SPINK2: variants seen among roughly 807,000 people sequenced by gnomAD.
The protein encoded by SPINK2 is serine peptidase inhibitor Kazal type 2, also known as serine protease inhibitor Kazal-type 2.
Under a neutral mutation model 13.5 loss-of-function variants are expected in SPINK2, and 8 were observed. That is an observed-to-expected ratio of 0.59 (90% CI 0.35 to 1.07). SPINK2 has a LOEUF of 1.07. SPINK2 is among the 50% of genes least tolerant of loss of function. SPINK2 has a pLI of 0.02. For synonymous variants in SPINK2, 76 were observed against 74.7 expected (o/e 1.02, Z -0.09); for missense variants, 148 against 180.3 (o/e 0.82, Z 1.03).
At position 56,821,642 on chromosome 4, in the gene SPINK2, G is replaced by T. The variant is rs1717952564; in HGVS notation, c.21C>A (p.Arg7=). The T allele has an allele frequency of 2.6e-6, 4 of 1,544,552 alleles. No individual in the cohort carries two copies. Among genetic ancestry groups the T allele is most frequent in the African/African-American group, 1.4e-5 (1 of 72,476 alleles). The change falls in exon 1 of 4, where the codon CGC becomes CGA. Residue 7 remains arginine (R), a synonymous_variant. Transcript: ENST00000506738. The part of the protein sequence containing the change: MALSVL[R]LALLLLAVTF... ...TAACTGCCAGGAGCAGCAGCGCCAA[G>T]CGCAGCACCGACAGCGCCATCCTCC...
At chr4:56,812,594 A>C (rs1717090272) in intron 2 of SPINK2, among the ~76,000 whole-genome samples, 3 of 141,748 alleles carry the variant, frequency 2.1e-5, no homozygotes, top group Non-Finnish European at 3.1e-5. Context: ...AAAAAAAAGG[A>C]CCTCAGAGGC....
chr4:56,821,757 A>AGGGGC, upstream of SPINK2: 1 of 1,217,832 alleles, frequency 8.2e-7, no homozygotes. Context: ...GGGCGGGGGA[A>AGGGGC]GGGGCGGGGC....
intron 2 of SPINK2, among the ~76,000 whole-genome samples, chr4:56,816,400 C>G: frequency 6.6e-6 from 1 of 151,832 alleles, no homozygotes; most frequent in East Asian, 1.9e-4. Flanking sequence ...ACCTGTAATC[C>G]CACCACTTTG....
At chr4:56,813,020 C>T (rs1717125764) in intron 2 of SPINK2, among the ~76,000 whole-genome samples, 1 of 152,136 alleles carries the variant, frequency 6.6e-6, no homozygotes, top group African/African-American at 2.4e-5. Flanking sequence ...TCCTTAATGT[C>T]ATTTTAATTC....
At chr4:56,810,237 G>A (rs114439515) in intron 3 of SPINK2, 53 bp from the exon 4 acceptor site, 21,037 of 1,484,304 alleles carry the variant, frequency 0.014, 304 homozygotes, top group Non-Finnish European at 0.014. Context: ...TACTGAAACT[G>A]TCTCATTATT....
At chr4:56,811,860 G>C (rs1011910613) in intron 2 of SPINK2, 66 bp from the exon 3 acceptor site, 1 of 773,402 alleles carries the variant, frequency 1.3e-6, no homozygotes, top group Non-Finnish European at 2.0e-6. Context: ...TAGTTCAGAG[G>C]AGAAAATGTC....
chr4:56,820,619 A>G lies in SPINK2; in HGVS notation c.206-40T>C, dbSNP rs182686159. On this transcript the variant is annotated intron_variant, in intron 1 of 3. Coordinates refer to ENST00000506738, the MANE Select transcript of SPINK2 (RefSeq NM_001271718.2). ...CATAGACATTTTACAGTATAGGATC[A>G]AGGTAAGGTATTGTTCATGAAGTTT... is the stretch of plus-strand genomic sequence containing the variant. 2.6e-4 allele frequency: 389 copies of G among 1,521,314 alleles called. 1 individual carries two copies. The African/African-American group carries it at 5.0e-3, about 19-fold the overall frequency. The allele number at this position is 1,521,314 out of a possible 1,614,324, so 94.2% of individuals were successfully genotyped here.
At position 56,811,807 on chromosome 4, in the gene SPINK2, AAG is replaced by A. The variant is rs758446880; in HGVS notation, c.250-15_250-14del. 3.8e-5 allele frequency: 60 copies of A among 1,569,564 alleles called. No homozygotes were observed. In the African/African-American group the frequency reaches 5.3e-4, roughly 14 times the overall value. On this transcript the variant is annotated splice_polypyrimidine_tract_variant and intron_variant, in intron 2 of 3. Coordinates refer to ENST00000506738, the MANE Select transcript of SPINK2 (RefSeq NM_001271718.2). ...GAGAGCAGTTTGGCTGGAAAAAAGAAAGAGAGAAATTCGAGAATGACTTGAGA... is the reference window on the plus strand; with the variant it reads ...GAGAGCAGTTTGGCTGGAAAAAAGAAAGAGAAATTCGAGAATGACTTGAGA...
At chr4:56,811,656 G>T (rs1560412472) in intron 3 of SPINK2, 29 bp downstream of exon 3, 73 of 1,403,560 alleles carry the variant, frequency 5.2e-5, no homozygotes, top group Non-Finnish European at 7.1e-5. Context: ...AGAAAACTTG[G>T]CTAGTCTACA....
At chr4:56,820,482 C>T (rs760096445) in intron 2 of SPINK2, 54 bp downstream of exon 2, 35 of 1,447,746 alleles carry the variant, frequency 2.4e-5, no homozygotes, top group African/African-American at 1.1e-4. Flanking sequence ...CCCTCCCAAA[C>T]GGTTTTGGGC....
At chr4:56,821,138 A>G (rs781542) in intron 1 of SPINK2, among the ~76,000 whole-genome samples, 73,463 of 152,094 alleles carry the variant, frequency 0.48, 19,386 homozygotes, top group African/African-American at 0.71. Context: ...ATTTTCCTTT[A>G]CAACTCGGGG....
At chr4:56,820,136 CTT>C (rs1256614898) in intron 2 of SPINK2, among the ~76,000 whole-genome samples, 2 of 152,170 alleles carry the variant, frequency 1.3e-5, no homozygotes, top group Non-Finnish European at 2.9e-5. Flanking sequence ...CCACTCCTCT[CTT>C]TGACTCGAGT....
chr4:56,809,977 A>T lies in SPINK2; in HGVS notation c.*162T>A. 1.3e-6 allele frequency: 2 copies of T among 1,481,958 alleles called. No individual in the cohort carries two copies. Among genetic ancestry groups the T allele is most frequent in the Non-Finnish European group, 1.8e-6 (2 of 1,122,240 alleles). 91.8% of individuals were successfully genotyped at this position (1,481,958 alleles called of 1,614,324 possible). ...CAAGGATTCTTTTTTTCTTTAAATT[A>T]TCCATCACTACACATGGCTGTCTTC... On this transcript the variant is annotated 3_prime_UTR_variant, in exon 4 of 4. Transcript: ENST00000506738.
rs757802624 is a variant in SPINK2, at chr4:56,810,126, GTAAAC to G, written c.*8_*12del. On this transcript the variant is annotated 3_prime_UTR_variant, in exon 4 of 4. Transcript: ENST00000506738. ...AGGTGGTCTCTCCATCTTCTTTTCT[GTAAAC>G]TGCTCCATCAGCAGGGTCCATTTCG... The G allele has an allele frequency of 3.1e-6, 5 of 1,604,538 alleles. No individual in the cohort carries two copies. In the Admixed American group the frequency reaches 8.5e-5, roughly 27 times the overall value.
At chr4:56,819,172 T>A (rs1477389472) in intron 2 of SPINK2, among the ~76,000 whole-genome samples, 1 of 152,148 alleles carries the variant, frequency 6.6e-6, no homozygotes, top group Admixed American at 6.6e-5. Flanking sequence ...ATCTAAGTAT[T>A]TATTATTATG....
chr4:56,810,289 C>G, intron 3 of SPINK2, 105 bp from the exon 4 acceptor site: 1 of 884,358 alleles, frequency 1.1e-6, no homozygotes, highest in Admixed American at 3.0e-5. Flanking sequence ...TATTAGATTC[C>G]TTCCACAGCT....
intron 2 of SPINK2, among the ~76,000 whole-genome samples, chr4:56,813,857 G>T (rs1186893451): frequency 1.3e-5 from 2 of 150,234 alleles, no homozygotes; most frequent in Non-Finnish European, 3.0e-5. Context: ...GACCTCAGGT[G>T]ATCTGCCCGC....
intron 2 of SPINK2, among the ~76,000 whole-genome samples, chr4:56,813,951 T>A (rs1717213399): frequency 7.9e-6 from 1 of 126,460 alleles, no homozygotes; most frequent in Non-Finnish European, 1.6e-5. Flanking sequence ...TGAGACAAAG[T>A]CTCACTCTGT....
chr4:56,820,838 G>T (rs906739673), intron 1 of SPINK2, among the ~76,000 whole-genome samples: 1 of 152,074 alleles, frequency 6.6e-6, no homozygotes, highest in African/African-American at 2.4e-5. Context: ...CCCCTCTAAT[G>T]CCTACCTTCT....
Sources: allele counts gnomAD v4.1 joint callset (sites outside exome capture counted in the v4.1 genomes callset), GRCh38; gene constraint gnomAD v4.1.1; transcripts MANE v1.5; gene names NCBI Gene and HGNC (gene_info 2026-07-23, HGNC 2026-07-21).